CSMD3: variants seen among roughly 807,000 people sequenced by gnomAD.
The protein encoded by CSMD3 is CUB and sushi domain-containing protein 3.
In CSMD3, 177 loss-of-function variants were observed where a neutral mutation model predicts 435.2. The ratio of observed to expected loss-of-function variants is 0.41; its 90% CI spans 0.36 to 0.46. The LOEUF is 0.46. CSMD3 is among the 20% of genes least tolerant of loss of function. The probability of loss-of-function intolerance (pLI) is 0.34; values close to 1 mark genes in which losing one functional copy is unlikely to be tolerated. For missense variants in CSMD3, 4,265 were observed against 4,504.6 expected (o/e 0.95, Z 1.52); for synonymous variants, 1,656 against 1,520.5 (o/e 1.09, Z -2.07).
At chr8:112,741,263 T>C (rs535989786) in intron 13 of CSMD3, among the ~76,000 whole-genome samples, 1 of 152,000 alleles carries the variant, frequency 6.6e-6, no homozygotes, top group South Asian at 2.1e-4. Flanking sequence ...TACAACTCAA[T>C]AGCAATTTTG....
chr8:112,867,003 T>C (rs2081003050), intron 10 of CSMD3, among the ~76,000 whole-genome samples: 1 of 152,144 alleles, frequency 6.6e-6, no homozygotes. Flanking sequence ...TATTTAAATG[T>C]TTCTCATTGG....
In CSMD3 at chr8:112,535,246, T is replaced by G. The variant is rs569640324; in HGVS notation, c.4564+15425A>C. On this transcript the variant is annotated intron_variant, in intron 27 of 70. Coordinates refer to ENST00000297405, the MANE Select transcript of CSMD3 (RefSeq NM_198123.2). ...AAGTCAAATTGTCCCTGTTTGCAGATGACATGATTGTATATCTAGAAAACC... is the reference window on the plus strand; with the variant it reads ...AAGTCAAATTGTCCCTGTTTGCAGAGGACATGATTGTATATCTAGAAAACC... 7.2e-5 allele frequency among the ~76,000 whole-genome samples: 11 copies of G among 152,092 alleles called. No individual in the cohort carries two copies. The South Asian group carries it at 1.7e-3, about 23-fold the overall frequency.
intron 11 of CSMD3, among the ~76,000 whole-genome samples, chr8:112,858,272 A>G (rs1166805831): frequency 1.3e-5 from 2 of 151,810 alleles, no homozygotes; most frequent in Admixed American, 6.6e-5. Context: ...TATAAAATAC[A>G]TGTCTTTATC....
At chr8:112,267,336 A>T (rs558388699) in intron 59 of CSMD3, among the ~76,000 whole-genome samples, 13 of 152,200 alleles carry the variant, frequency 8.5e-5, no homozygotes, top group African/African-American at 3.1e-4. Context: ...TCTCAATAAT[A>T]ATAGAGTTTT....
chr8:112,452,009 G>C (rs1816340910), intron 32 of CSMD3, among the ~76,000 whole-genome samples: 1 of 152,120 alleles, frequency 6.6e-6, no homozygotes, highest in African/African-American at 2.4e-5. Context: ...CTGAACCAGT[G>C]ACTGAAATTC....
intron 13 of CSMD3, among the ~76,000 whole-genome samples, chr8:112,738,110 C>T (rs4876293): frequency 0.33 from 50,390 of 151,436 alleles, 9,240 homozygotes; most frequent in African/African-American, 0.5. Flanking sequence ...GTCATTGATG[C>T]AGATATAAGC....
Position 113,053,944 on chromosome 8 carries a change from G to T in CSMD3, c.918-34765C>A, listed in dbSNP as rs531214302. 9.9e-5 allele frequency among the ~76,000 whole-genome samples: 15 copies of T among 152,280 alleles called. No homozygotes were observed. The South Asian group carries it at 1.2e-3, about 13-fold the overall frequency. ...ATGTTATTTTCTCCAGCAAAACTGTGTATCTATGTATCCTTTTCTATGACT... is the reference window on the plus strand; with the variant it reads ...ATGTTATTTTCTCCAGCAAAACTGTTTATCTATGTATCCTTTTCTATGACT... On this transcript the variant is annotated intron_variant, in intron 5 of 70. Coordinates refer to ENST00000297405, the MANE Select transcript of CSMD3 (RefSeq NM_198123.2).
chr8:113,160,270 A>T (rs1336147220), intron 4 of CSMD3, among the ~76,000 whole-genome samples: 2 of 151,906 alleles, frequency 1.3e-5, no homozygotes, highest in African/African-American at 4.8e-5. Context: ...TTTTTCTTCT[A>T]TATTAACAAC....
intron 38 of CSMD3, among the ~76,000 whole-genome samples, chr8:112,366,211 C>T (rs1227110741): frequency 6.6e-6 from 1 of 152,136 alleles, no homozygotes; most frequent in Non-Finnish European, 1.5e-5. Flanking sequence ...TGCTGGTTGA[C>T]TTTCTGGAGA....
At chr8:112,530,611 C>T (rs918372381) in intron 27 of CSMD3, among the ~76,000 whole-genome samples, 2 of 152,130 alleles carry the variant, frequency 1.3e-5, no homozygotes, top group Admixed American at 6.5e-5. Flanking sequence ...GAGCTCATCA[C>T]CATTAGACAT....
intron 34 of CSMD3, 96 bp from the exon 35 acceptor site, chr8:112,406,823 C>G (rs1360190296): frequency 5.3e-5 from 36 of 684,102 alleles, no homozygotes; most frequent in Non-Finnish European, 8.2e-5. Flanking sequence ...GAAATCATCA[C>G]TTTTTATCAG....
chr8:112,525,870 T>G (rs1348776680), intron 27 of CSMD3, among the ~76,000 whole-genome samples: 2 of 143,214 alleles, frequency 1.4e-5, no homozygotes, highest in African/African-American at 2.5e-5. Context: ...ATAGTTTTTG[T>G]TTTTTATATA....
intron 45 of CSMD3, among the ~76,000 whole-genome samples, chr8:112,326,086 T>G (rs1823484547): frequency 6.6e-6 from 1 of 152,198 alleles, no homozygotes; most frequent in African/African-American, 2.4e-5. Context: ...TCACTTCTTA[T>G]GTATAAAGGA....
chr8:113,054,057 GAACTA>G (rs2088211181), intron 5 of CSMD3, among the ~76,000 whole-genome samples: 1 of 151,936 alleles, frequency 6.6e-6, no homozygotes, highest in South Asian at 2.1e-4. Flanking sequence ...AACTACCCTA[GAACTA>G]TATGGAAAAC....
At chr8:113,426,642 C>A (rs1588703783) in intron 1 of CSMD3, among the ~76,000 whole-genome samples, 1 of 151,386 alleles carries the variant, frequency 6.6e-6, no homozygotes, top group East Asian at 1.9e-4. Flanking sequence ...GGAATGTGAA[C>A]TAGTTTGGGA....
At position 113,131,234 on chromosome 8, in the gene CSMD3, T is replaced by A. The variant is rs151129012; in HGVS notation, c.710-32271A>T. ...TGAATGAATAACAAGGAGTCAAATG[T>A]TAACAGTCAACACAAGGGGGAAAAT... On this transcript the variant is annotated intron_variant, in intron 4 of 70. Transcript: ENST00000297405. Among the ~76,000 whole-genome samples the A allele has an allele frequency of 7.8e-3, 1,184 of 152,152 alleles. 14 individuals carry two copies. The highest frequency in any genetic ancestry group is 0.027 in the African/African-American group (1,126 of 41,510).
chr8:113,325,733 T>C (rs560552742), intron 1 of CSMD3, among the ~76,000 whole-genome samples: 4 of 152,292 alleles, frequency 2.6e-5, no homozygotes, highest in Non-Finnish European at 4.4e-5. Flanking sequence ...CAAGAGTTTG[T>C]TTAGGCAAAC....
chr8:113,365,487 CTT>C (rs2094305255), intron 1 of CSMD3, among the ~76,000 whole-genome samples: 1 of 151,988 alleles, frequency 6.6e-6, no homozygotes, highest in African/African-American at 2.4e-5. Context: ...TTCCATGTAA[CTT>C]TGGTCAGAAT....
intron 2 of CSMD3, among the ~76,000 whole-genome samples, chr8:113,293,635 AT>A (rs2093700613): frequency 6.6e-6 from 1 of 151,930 alleles, no homozygotes; most frequent in African/African-American, 2.4e-5. Context: ...CTCTAGCCAT[AT>A]TTTCTTTCTT....
Sources: gnomAD v4.1 joint callset for allele counts (sites outside exome capture counted in the v4.1 genomes callset) on GRCh38, gnomAD v4.1.1 for gene constraint, MANE v1.5 for transcripts, NCBI Gene and HGNC (gene_info 2026-07-23, HGNC 2026-07-21) for gene names.